Variants in RPTOR observed in about 807,000 individuals in gnomAD.
RPTOR encodes regulatory associated protein of MTOR complex 1, also known as regulatory-associated protein of mTOR.
A neutral mutation model predicts 169.9 loss-of-function variants in RPTOR; 21 were observed. The ratio of observed to expected loss-of-function variants is 0.12; its 90% CI spans 0.09 to 0.18. The LOEUF (loss-of-function observed/expected upper bound fraction) is 0.18. Ranked by LOEUF, RPTOR falls within the 10% of genes least tolerant of loss-of-function variation. The pLI, the probability that RPTOR is intolerant of heterozygous loss-of-function variation, is 1.00. For missense variants in RPTOR, 1,133 were observed against 1,855.9 expected, an observed-to-expected ratio of 0.61 and a Z score of 7.16; for synonymous variants, 732 against 753.2, an observed-to-expected ratio of 0.97 and a Z score of 0.46.
At chr17:80,874,684 T>C (rs147014210) in intron 13 of RPTOR, among the ~76,000 whole-genome samples, 6 of 152,256 alleles carry the variant, frequency 3.9e-5, no homozygotes, top group Admixed American at 1.3e-4. Flanking sequence ...TGCTTCGGTA[T>C]CATTTCCCCA....
intron 20 of RPTOR, among the ~76,000 whole-genome samples, chr17:80,901,755 G>A (rs1389516925): frequency 2.0e-5 from 3 of 151,964 alleles, no homozygotes; most frequent in Non-Finnish European, 2.9e-5. Flanking sequence ...CTTTCCTGGT[G>A]CCCCAGAAGC....
At chr17:80,743,893 T>TCCTGGCTACTAGCACAGC (rs2066522535) in intron 5 of RPTOR, among the ~76,000 whole-genome samples, 3 of 32,594 alleles carry the variant, frequency 9.2e-5, no homozygotes, top group Non-Finnish European at 1.7e-4. Flanking sequence ...ACTAGCACTG[T>TCCTGGCTACTAGCACAGC]CCTGGTTACG....
intron 1 of RPTOR, among the ~76,000 whole-genome samples, chr17:80,589,392 C>G (rs72856572): frequency 0.031 from 4,668 of 152,222 alleles, 88 homozygotes; most frequent in Non-Finnish European, 0.044. Context: ...AAAAGCACAT[C>G]TCCCCATTTG....
chr17:80,596,198 G>C (rs1361329298), intron 1 of RPTOR, among the ~76,000 whole-genome samples: 2 of 152,118 alleles, frequency 1.3e-5, no homozygotes. Context: ...TTGCTGCCTT[G>C]ATCTCATGCT....
At chr17:80,818,901 G>A (rs28617259) in intron 7 of RPTOR, among the ~76,000 whole-genome samples, 18,143 of 152,238 alleles carry the variant, frequency 0.12, 1,139 homozygotes, top group South Asian at 0.15. Context: ...CAGTGCTGGG[G>A]TGTGGGACCT....
chr17:80,935,087 A>G (rs2068939983), intron 24 of RPTOR, among the ~76,000 whole-genome samples: 1 of 152,162 alleles, frequency 6.6e-6, no homozygotes, highest in African/African-American at 2.4e-5. Context: ...GGACATTGAA[A>G]TTTAACATCA....
chr17:80,676,467 T>A (rs2065862060), intron 3 of RPTOR, among the ~76,000 whole-genome samples: 1 of 152,282 alleles, frequency 6.6e-6, no homozygotes, highest in African/African-American at 2.4e-5. Context: ...CCGGGACCTC[T>A]GGACATCAGC....
intron 1 of RPTOR, among the ~76,000 whole-genome samples, chr17:80,613,387 C>T (rs1424319043): frequency 6.6e-6 from 1 of 152,238 alleles, no homozygotes; most frequent in East Asian, 1.9e-4. Context: ...TCTTGTTCAT[C>T]AGGGCACCGC....
At chr17:80,617,987 C>CTTTTTTTTTT (rs1197342364) in intron 1 of RPTOR, among the ~76,000 whole-genome samples, 4 of 146,368 alleles carry the variant, frequency 2.7e-5, no homozygotes, top group African/African-American at 1.0e-4. Flanking sequence ...ATAGTTACAA[C>CTTTTTTTTTT]TTTTTTTTTT....
At position 80,893,728 on chromosome 17, in the gene RPTOR, C is replaced by T. The variant is rs759154872; in HGVS notation, c.2264C>T (p.Ser755Phe). ...GCAGCTGGTGGCGCGGTGGCGTTCT[C>T]CCCCGGAAACCTCAGCACCAGCAGC... ...TEESGGAVAF[S>F]PGNLSTSSSA... Residue 755 changes from serine to phenylalanine, a missense_variant, in exon 20 of 34, where the codon TCC (serine) becomes TTC (phenylalanine). Around this residue, in one of 9 missense-constraint regions of RPTOR, gnomAD observed 150 missense variants for 206.4 expected, o/e 0.73. Transcript: ENST00000306801. 6.2e-7 allele frequency: 1 copy of T among 1,609,330 alleles called. No individual in the cohort carries two copies. The highest frequency in any genetic ancestry group is 1.7e-5 in the Admixed American group (1 of 59,654).
At chr17:80,950,628 G>A (rs548971582) in intron 28 of RPTOR, among the ~76,000 whole-genome samples, 3 of 152,136 alleles carry the variant, frequency 2.0e-5, no homozygotes, top group Non-Finnish European at 2.9e-5. Context: ...CTTCCCCTGC[G>A]AGGCAACCCT....
In RPTOR at chr17:80,859,907, C is replaced by A. The variant is rs528866523; in HGVS notation, c.1509+2007C>A. 4.6e-5 allele frequency among the ~76,000 whole-genome samples: 7 copies of A among 152,318 alleles called. No individual in the cohort carries two copies. The East Asian group carries it at 1.2e-3, about 25-fold the overall frequency. On this transcript the variant is annotated intron_variant, in intron 13 of 33. Transcript: ENST00000306801. ...GAGCAGGGGCCACATAGCTGCCATG[C>A]GAGGGGCCGGCACCCCACTGGGCCC...
chr17:80,852,211 A>G (rs778525438), intron 11 of RPTOR, among the ~76,000 whole-genome samples: 14 of 152,336 alleles, frequency 9.2e-5, no homozygotes, highest in Non-Finnish European at 1.5e-4. Flanking sequence ...AACTTTGAGA[A>G]TAAGCCCAAG....
At chr17:80,675,087 A>G (rs1482573150) in intron 3 of RPTOR, among the ~76,000 whole-genome samples, 1 of 152,086 alleles carries the variant, frequency 6.6e-6, no homozygotes, top group Non-Finnish European at 1.5e-5. Flanking sequence ...TTGTTCAGCT[A>G]TGTCCAGTCT....
intron 3 of RPTOR, among the ~76,000 whole-genome samples, chr17:80,678,902 AGCCAGTG>A (rs2065878615): frequency 6.6e-6 from 1 of 152,200 alleles, no homozygotes; most frequent in Non-Finnish European, 1.5e-5. Context: ...ATGCCCGACA[AGCCAGTG>A]GCTTTCACTG....
Position 80,923,498 on chromosome 17 carries a change from C to T in RPTOR, c.2633C>T (p.Pro878Leu), listed in dbSNP as rs761314921. Residue 878 changes from proline (P) to leucine (L), a missense_variant, in exon 23 of 34, where the codon CCT (proline) becomes CTT (leucine). By Grantham distance (98) the Pro-to-Leu change is moderately conservative. Coordinates refer to ENST00000306801, the MANE Select transcript of RPTOR (RefSeq NM_020761.3). ...GVHIHQAGGS[P>L]PASSTSSSSL... ...TTTTCTTCCAATGGCAGGGGCTCCC[C>T]TCCGGCGTCCAGCACCAGCAGCTCC... 7.6e-5 allele frequency: 122 copies of T among 1,613,322 alleles called. No homozygotes were observed. The highest frequency in any genetic ancestry group is 1.0e-4 in the Non-Finnish European group (119 of 1,179,960).
Position 80,721,480 on chromosome 17 carries a change from T to C in RPTOR, c.508-9080T>C, listed in dbSNP as rs2066286030. Among the ~76,000 whole-genome samples, 1 of 151,352 alleles carries C rather than the reference T, an allele frequency of 6.6e-6. No homozygotes were observed. The highest frequency in any genetic ancestry group is 2.1e-4 in the South Asian group (1 of 4,822). The stretch of plus-strand genomic sequence containing the variant: ...GCTGGCTCTTCCTGCTGCGTGTGCA[T>C]CTGGCCCTGGAAAGAGGCACACCCA... On this transcript the variant is annotated intron_variant, in intron 4 of 33. Coordinates refer to ENST00000306801, the MANE Select transcript of RPTOR (RefSeq NM_020761.3). This position sits in a 1 kb window ranked among gnomAD's most constrained non-coding sequence, Gnocchi z 4.7.
intron 9 of RPTOR, among the ~76,000 whole-genome samples, chr17:80,825,543 A>G (rs533492624): frequency 6.6e-6 from 1 of 152,344 alleles, no homozygotes; most frequent in South Asian, 2.1e-4. Context: ...CCCAGAAAAA[A>G]GGCCAGCTAT....
rs1340790286 is a variant in RPTOR at position 80,957,951 on chromosome 17, A to G, written c.3477+221A>G. Among the ~76,000 whole-genome samples, 1 of 152,220 alleles carries G rather than the reference A, an allele frequency of 6.6e-6. No individual in the cohort carries two copies. Among genetic ancestry groups the G allele is most frequent in the Non-Finnish European group, 1.5e-5 (1 of 68,044 alleles). On this transcript the variant is annotated intron_variant, in intron 29 of 33. Coordinates refer to ENST00000306801, the MANE Select transcript of RPTOR (RefSeq NM_020761.3). This position sits in a 1 kb window ranked among gnomAD's most constrained non-coding sequence, Gnocchi z 4.6. ...GCAACACCCAGCCCTGCGCTGCAGT[A>G]TGGCTCAGGCTGCGCCAGCTCTGAG...
Sources: gnomAD v4.1 joint callset for allele counts (sites outside exome capture counted in the v4.1 genomes callset) on GRCh38, gnomAD v4.1.1 for gene constraint, gnomAD v4.1.1 regional missense constraint, Gnocchi (gnomAD v3.1) non-coding constraint, MANE v1.5 for transcripts, NCBI Gene and HGNC (gene_info 2026-07-23, HGNC 2026-07-21) for gene names.